The following FAM120B variants were observed in gnomAD, a reference collection of about 807,000 sequenced individuals.
FAM120B encodes constitutive coactivator of peroxisome proliferator-activated receptor gamma.
FAM120B carries 83 observed loss-of-function variants against 96.3 expected under a neutral mutation model. That is an observed-to-expected ratio of 0.86 (90% CI 0.72 to 1.03). The LOEUF is 1.03. Among genes scored for constraint, FAM120B ranks in the 50% least tolerant of loss-of-function variants. The pLI, the probability that FAM120B is intolerant of heterozygous loss-of-function variation, is 0.00. For synonymous variants in FAM120B, 407 were observed against 402.7 expected (o/e 1.01, Z -0.13); for missense variants, 1,027 against 1,121.2 (o/e 0.92, Z 1.20).
intron 9 of FAM120B, among the ~76,000 whole-genome samples, chr6:170,396,516 C>T (rs1431402983): frequency 6.6e-6 from 1 of 152,150 alleles, no homozygotes; most frequent in Non-Finnish European, 1.5e-5. Flanking sequence ...TGAGAGAGCT[C>T]CAGGAATTTA....
chr6:170,385,569 G>A (rs1790138798), intron 6 of FAM120B, among the ~76,000 whole-genome samples: 1 of 152,160 alleles, frequency 6.6e-6, no homozygotes, highest in South Asian at 2.1e-4. Flanking sequence ...ATTCAAAGTG[G>A]TGAAGCCACT....
Position 170,348,278 on chromosome 6 carries a change from C to A in FAM120B, c.2145C>A (p.Ser715Arg). The A allele has an allele frequency of 6.2e-7, 1 of 1,613,778 alleles. No homozygotes were observed. Among genetic ancestry groups the A allele is most frequent in the Non-Finnish European group, 8.5e-7 (1 of 1,179,898 alleles). ...SSREELQAVE[S>R]PFQALCCLLI... ...GAGAAGAGCTGCAGGCTGTCGAAAG[C>A]CCATTTCAAGCTTTGTGCTGCCTCT... The change falls in exon 5 of 11, where the codon AGC (serine) becomes AGA (arginine). Residue 715 changes from serine (S) to arginine (R), a missense_variant. Around this residue, in one of 3 missense-constraint regions of FAM120B, gnomAD observed 880 missense variants for 980.9 expected, o/e 0.90. Coordinates refer to ENST00000476287, the MANE Select transcript of FAM120B (RefSeq NM_032448.3).
Position 170,323,089 on chromosome 6 carries a change from C to A in FAM120B, c.1745C>A (p.Thr582Lys), listed in dbSNP as rs1264080249. The A allele has an allele frequency of 6.2e-7, 1 of 1,609,876 alleles. No individual in the cohort carries two copies. Among genetic ancestry groups the A allele is most frequent in the Non-Finnish European group, 8.5e-7 (1 of 1,178,344 alleles). ...TTAAATTTCAAACAGGTTGCTAGAA[C>A]ACATCACGTCCAAGCAGAAAGCTAC... ...SDTEILKVARTHHVQAESYLV... is the reference protein window; with the variant it reads ...SDTEILKVARKHHVQAESYLV... The change falls in exon 3 of 11, where the codon ACA becomes AAA. Residue 582 changes from threonine to lysine, a missense_variant. Coordinates refer to ENST00000476287, the MANE Select transcript of FAM120B (RefSeq NM_032448.3).
At chr6:170,367,226 C>T (rs1344283663) in intron 6 of FAM120B, among the ~76,000 whole-genome samples, 1 of 152,230 alleles carries the variant, frequency 6.6e-6, no homozygotes, top group Non-Finnish European at 1.5e-5. Flanking sequence ...GATACTCTCA[C>T]TTTGTCAAAA....
At chr6:170,291,140 C>A, upstream of FAM120B, 1 of 510,750 alleles carries the variant, frequency 2.0e-6, no homozygotes, top group Admixed American at 2.3e-5. Flanking sequence ...CCAGTCCTCC[C>A]CTGCCCCCGC....
rs563467084 is a variant in FAM120B, at chr6:170,405,256, C to G, written c.*505C>G. On this transcript the variant is annotated 3_prime_UTR_variant, in exon 11 of 11. Coordinates refer to ENST00000476287, the MANE Select transcript of FAM120B (RefSeq NM_032448.3). The stretch of plus-strand genomic sequence containing the variant: ...CATATCTATACCTTGGCTTTTTCCT[C>G]TACGTACATACCATGATAAAGCTTA... 1 of 152,382 alleles carries G rather than the reference C, an allele frequency of 6.6e-6. No individual in the cohort carries two copies. The highest frequency in any genetic ancestry group is 1.9e-4 in the East Asian group (1 of 5,184). The allele number at this position is 152,382 out of a possible 1,614,324, so 9.4% of individuals were successfully genotyped here.
upstream of FAM120B, among the ~76,000 whole-genome samples, chr6:170,303,233 ACTTTC>A (rs1359563739): frequency 6.6e-6 from 1 of 151,866 alleles, no homozygotes; most frequent in Admixed American, 6.6e-5. Flanking sequence ...AATTTACTCT[ACTTTC>A]TTTTCCTTTT....
intron 9 of FAM120B, among the ~76,000 whole-genome samples, chr6:170,400,483 C>G (rs1434474312): frequency 1.3e-5 from 2 of 152,094 alleles, no homozygotes; most frequent in Non-Finnish European, 2.9e-5. Context: ...TAGCTTCAGA[C>G]AGGCTGACTT....
intron 7 of FAM120B, among the ~76,000 whole-genome samples, chr6:170,389,196 C>A (rs1790352729): frequency 6.6e-6 from 1 of 152,172 alleles, no homozygotes; most frequent in Admixed American, 6.5e-5. Context: ...TATCTTGGGG[C>A]TGAGACCCAA....
intron 4 of FAM120B, among the ~76,000 whole-genome samples, chr6:170,333,844 A>C (rs1786233978): frequency 6.6e-6 from 1 of 152,118 alleles, no homozygotes; most frequent in Non-Finnish European, 1.5e-5. Context: ...TATATACTAC[A>C]TTTCATTTCT....
chr6:170,361,066 G>T (rs1788325971), intron 6 of FAM120B, among the ~76,000 whole-genome samples: 1 of 152,004 alleles, frequency 6.6e-6, no homozygotes, highest in Non-Finnish European at 1.5e-5. Context: ...ACCAGCCACT[G>T]TTGGGTAGGT....
chr6:170,339,914 C>T (rs571504658), intron 4 of FAM120B, among the ~76,000 whole-genome samples: 58 of 152,170 alleles, frequency 3.8e-4, no homozygotes, highest in African/African-American at 1.3e-3. Context: ...CTCTGGCTGC[C>T]CTTAACATTT....
intron 5 of FAM120B, among the ~76,000 whole-genome samples, chr6:170,354,261 A>C (rs1055028439): frequency 3.3e-5 from 5 of 152,228 alleles, no homozygotes; most frequent in Non-Finnish European, 5.9e-5. Flanking sequence ...CACTATATAC[A>C]AAAATTAACT....
At chr6:170,321,101 A>G (rs1029630085) in intron 2 of FAM120B, among the ~76,000 whole-genome samples, 2 of 152,222 alleles carry the variant, frequency 1.3e-5, no homozygotes, top group African/African-American at 4.8e-5. Context: ...GTGCCTGGGC[A>G]AAGTGGTGGG....
intron 3 of FAM120B, among the ~76,000 whole-genome samples, chr6:170,328,102 AATTT>A (rs1472633676): frequency 1.3e-5 from 2 of 152,212 alleles, no homozygotes; most frequent in African/African-American, 4.8e-5. Flanking sequence ...TAAACTTTTA[AATTT>A]ATTTAACTTT....
intron 4 of FAM120B, among the ~76,000 whole-genome samples, chr6:170,342,320 T>C (rs568166061): frequency 6.6e-6 from 1 of 152,360 alleles, no homozygotes; most frequent in Non-Finnish European, 1.5e-5. Flanking sequence ...TCTAGGAGTT[T>C]CACTTCTTAC....
At chr6:170,291,863 C>T (rs1013599457), upstream of FAM120B, among the ~76,000 whole-genome samples, 1 of 152,160 alleles carries the variant, frequency 6.6e-6, no homozygotes, top group South Asian at 2.1e-4. Flanking sequence ...CGCCCTCCCC[C>T]ACAGGATCCT....
chr6:170,366,081 G>A (rs758270200), intron 6 of FAM120B, among the ~76,000 whole-genome samples: 9 of 152,198 alleles, frequency 5.9e-5, no homozygotes, highest in Admixed American at 2.6e-4. Context: ...TAAGCAAAAT[G>A]TAGACTCAGT....
upstream of FAM120B, among the ~76,000 whole-genome samples, chr6:170,292,987 C>T (rs532136687): frequency 6.6e-6 from 1 of 152,302 alleles, no homozygotes; most frequent in East Asian, 1.9e-4. This position sits in a 1 kb window ranked among gnomAD's most constrained non-coding sequence, Gnocchi z 6.6. Flanking sequence ...TGCTGCCACC[C>T]CCATGATGGT....
Sources: allele counts gnomAD v4.1 joint callset (sites outside exome capture counted in the v4.1 genomes callset), GRCh38; gene constraint gnomAD v4.1.1; regional missense constraint gnomAD v4.1.1; non-coding constraint Gnocchi (gnomAD v3.1); transcripts MANE v1.5; gene names NCBI Gene and HGNC (gene_info 2026-07-23, HGNC 2026-07-21).